SLC25A30: variants seen among roughly 807,000 people sequenced by gnomAD.
SLC25A30 encodes the protein kidney mitochondrial carrier protein 1.
SLC25A30 carries 29 observed loss-of-function variants against 42.7 expected under a neutral mutation model. The observed-to-expected ratio is 0.68, with a 90% confidence interval of 0.51 to 0.93. The LOEUF (loss-of-function observed/expected upper bound fraction) is 0.93, where lower values mean the gene tolerates loss of function less well. SLC25A30 is among the 40% of genes least tolerant of loss of function. SLC25A30 has a pLI of 0.00. For missense variants in SLC25A30, 300 were observed against 359.7 expected (o/e 0.83, Z 1.34); for synonymous variants, 124 against 131.0 (o/e 0.95, Z 0.37).
chr13:45,419,614 C>T (rs1005384141), upstream of SLC25A30, among the ~76,000 whole-genome samples: 1 of 151,408 alleles, frequency 6.6e-6, no homozygotes, highest in Non-Finnish European at 1.5e-5. Flanking sequence ...CCACGGCACC[C>T]GGCTGTGAAC....
intron 7 of SLC25A30, among the ~76,000 whole-genome samples, chr13:45,400,878 G>A (rs1168219141): frequency 6.6e-6 from 1 of 152,066 alleles, no homozygotes; most frequent in Admixed American, 6.6e-5. Flanking sequence ...ATACACTTTT[G>A]TAGACATATT....
At chr13:45,427,683 A>G in the SLC25A30 span, among the ~76,000 whole-genome samples, 1 of 150,106 alleles carries the variant, frequency 6.7e-6, no homozygotes, top group Non-Finnish European at 1.5e-5. Context: ...TTGTGAATTT[A>G]TTTTCAGCGT....
At chr13:45,424,154 T>TATATAAATATATAA in the SLC25A30 span, among the ~76,000 whole-genome samples, 1 of 89,714 alleles carries the variant, frequency 1.1e-5, no homozygotes, top group South Asian at 4.0e-4. Flanking sequence ...TATAAGTATA[T>TATATAAATATATAA]ATATAGAAAT....
intron 1 of SLC25A30, among the ~76,000 whole-genome samples, chr13:45,412,827 C>T (rs1341540933): frequency 6.6e-6 from 1 of 152,180 alleles, no homozygotes; most frequent in Non-Finnish European, 1.5e-5. Context: ...GTAATTAGAG[C>T]TGGTAAATGT....
upstream of SLC25A30, among the ~76,000 whole-genome samples, chr13:45,419,574 C>T (rs1219383789): frequency 2.0e-5 from 3 of 151,524 alleles, no homozygotes; most frequent in Admixed American, 6.6e-5. Context: ...CTGCCTCGGC[C>T]TCCCAAAGTG....
chr13:45,424,841 AATATATATAAAT>A, the SLC25A30 span, among the ~76,000 whole-genome samples: 400 of 52,288 alleles, frequency 7.6e-3, 94 homozygotes, highest in Non-Finnish European at 0.011. Context: ...TATATATAAA[AATATATATAAAT>A]ATATATATAA....
At chr13:45,424,743 T>C in the SLC25A30 span, among the ~76,000 whole-genome samples, 4 of 59,788 alleles carry the variant, frequency 6.7e-5, no homozygotes, top group East Asian at 1.5e-3. Flanking sequence ...GTATAAATAT[T>C]ATATCTATTT....
At position 45,408,968 on chromosome 13, in the gene SLC25A30, C is replaced by T; in HGVS notation, c.171G>A (p.Val57=). Residue 57 remains valine, a synonymous_variant, in exon 3 of 10, where the codon GTG becomes GTA. Coordinates refer to ENST00000519676, the MANE Select transcript of SLC25A30 (RefSeq NM_001010875.4). ...IRYRGMLHAL[V]RIGREEGLKA... ...TCAGCCCTTCTTCTCTGCCTATCCTCACTAATGCGTGCAACATTCCTCGGT... is the reference window on the plus strand; with the variant it reads ...TCAGCCCTTCTTCTCTGCCTATCCTTACTAATGCGTGCAACATTCCTCGGT... 1 of 1,613,404 alleles carries T rather than the reference C, an allele frequency of 6.2e-7. No homozygotes were observed. The highest frequency in any genetic ancestry group is 8.5e-7 in the Non-Finnish European group (1 of 1,179,768).
intron 1 of SLC25A30, 79 bp from the exon 2 acceptor site, chr13:45,411,559 T>G (rs1883031642): frequency 1.1e-6 from 1 of 928,278 alleles, no homozygotes; most frequent in East Asian, 2.7e-5. Context: ...CCCCTAGGTT[T>G]TATTTGGAGA....
chr13:45,423,393 T>C (rs1883943454), upstream of SLC25A30, among the ~76,000 whole-genome samples: 1 of 150,016 alleles, frequency 6.7e-6, no homozygotes. Context: ...CGTTACTCTC[T>C]GCATTTACTT....
At chr13:45,398,190 G>A (rs1353991178) in intron 8 of SLC25A30, 1 of 237,660 alleles carries the variant, frequency 4.2e-6, no homozygotes, top group Non-Finnish European at 6.8e-6. Flanking sequence ...ATTATCCTGA[G>A]CAAACTAACG....
upstream of SLC25A30, among the ~76,000 whole-genome samples, chr13:45,421,839 TAGAGCCCTCCAGCCATA>T (rs1883898606): frequency 6.6e-6 from 1 of 152,188 alleles, no homozygotes; most frequent in South Asian, 2.1e-4. Context: ...ACGTGGTCCT[TAGAGCCCTCCAGCCATA>T]AGAATCCAGT....
the SLC25A30 span, among the ~76,000 whole-genome samples, chr13:45,432,942 T>A: frequency 4.8e-5 from 7 of 147,142 alleles, no homozygotes; most frequent in Non-Finnish European, 1.0e-4. Context: ...GAGGCTGAAG[T>A]GGGAGGATCA....
chr13:45,399,145 G>A, intron 7 of SLC25A30, 67 bp from the exon 8 acceptor site: 3 of 1,449,292 alleles, frequency 2.1e-6, no homozygotes, highest in African/African-American at 2.9e-5. Flanking sequence ...ACCATCAAAG[G>A]CAGAAAACAG....
rs1881231279 is a variant in SLC25A30 at position 45,395,390 on chromosome 13, T to TTA, written c.*582_*583dup. On this transcript the variant is annotated 3_prime_UTR_variant, in exon 10 of 10. Transcript: ENST00000519676. The stretch of plus-strand genomic sequence containing the variant: ...AGTCTTCAAAGCTTAAAATCACTTA[T>TTA]TATAAGTGGAAGATCCTGCCAAAAT... 1 of 986,532 alleles carries TTA rather than the reference T, an allele frequency of 1.0e-6. No homozygotes were observed. The allele number at this position is 986,532 out of a possible 1,614,324, so 61.1% of individuals were successfully genotyped here.
rs149533413 is a variant in SLC25A30 at position 45,408,729 on chromosome 13, T to G, written c.212+198A>C. Among the ~76,000 whole-genome samples, 397 of 152,322 alleles carry G rather than the reference T, an allele frequency of 2.6e-3. 1 individual carries two copies. Among genetic ancestry groups the G allele is most frequent in the Non-Finnish European group, 3.1e-3 (212 of 68,024 alleles). The stretch of plus-strand genomic sequence containing the variant: ...TCTGTACTTGAATATAGTAAAACAG[T>G]TTCACCAAAACATCTGCTGCATAAT... On this transcript the variant is annotated intron_variant, in intron 3 of 9. Transcript: ENST00000519676.
At chr13:45,413,646 C>T (rs1883219555) in intron 1 of SLC25A30, among the ~76,000 whole-genome samples, 1 of 152,138 alleles carries the variant, frequency 6.6e-6, no homozygotes, top group African/African-American at 2.4e-5. Flanking sequence ...CCTCCACCTC[C>T]CAGGTTCAAG....
upstream of SLC25A30, chr13:45,418,678 C>T (rs1393459279): frequency 6.6e-6 from 1 of 152,158 alleles, no homozygotes; most frequent in Admixed American, 6.5e-5. Flanking sequence ...CGTGGAAAAG[C>T]AACCTTCGCA....
the SLC25A30 span, among the ~76,000 whole-genome samples, chr13:45,427,086 C>A: frequency 2.0e-5 from 3 of 151,988 alleles, no homozygotes; most frequent in Non-Finnish European, 4.4e-5. Context: ...TTAATGAGAT[C>A]ATTTATCTTG....
Sources: gnomAD v4.1 joint callset for allele counts (sites outside exome capture counted in the v4.1 genomes callset) on GRCh38, gnomAD v4.1.1 for gene constraint, MANE v1.5 for transcripts, NCBI Gene and HGNC (gene_info 2026-07-23, HGNC 2026-07-21) for gene names.